Variants in CPT1A observed in about 807,000 individuals in gnomAD.
CPT1A encodes carnitine palmitoyltransferase 1A, also known as carnitine O-palmitoyltransferase 1, liver isoform.
A neutral mutation model predicts 100.8 loss-of-function variants in CPT1A; 64 were observed. That is an observed-to-expected ratio of 0.63 (90% CI 0.52 to 0.78). CPT1A has a LOEUF of 0.78. Among genes scored for constraint, CPT1A ranks in the 30% least tolerant of loss-of-function variants. The probability of loss-of-function intolerance (pLI) is 0.00; values close to 1 mark genes in which losing one functional copy is unlikely to be tolerated. For missense variants in CPT1A, 802 were observed against 1,034.1 expected, an observed-to-expected ratio of 0.78 and a Z score of 3.08; for synonymous variants, 363 against 396.0, an observed-to-expected ratio of 0.92 and a Z score of 0.99.
At chr11:68,804,164 T>A in intron 4 of CPT1A, 63 bp from the exon 5 acceptor site, 1 of 1,284,794 alleles carries the variant, frequency 7.8e-7, no homozygotes, top group Non-Finnish European at 1.1e-6. Flanking sequence ...CCTGTTCTCG[T>A]CTGATCTCGT....
At chr11:68,779,007 T>C (rs948241241) in intron 12 of CPT1A, among the ~76,000 whole-genome samples, 1 of 152,060 alleles carries the variant, frequency 6.6e-6, no homozygotes, top group Admixed American at 6.5e-5. Context: ...GATGGTCTCG[T>C]TCTCCTGACC....
chr11:68,772,212 G>C (rs1341839773), intron 14 of CPT1A, among the ~76,000 whole-genome samples: 1 of 152,168 alleles, frequency 6.6e-6, no homozygotes, highest in East Asian at 1.9e-4. Flanking sequence ...AATTAGCTGG[G>C]CATGGGGGCG....
chr11:68,807,316 C>T, intron 4 of CPT1A, 151 bp downstream of exon 4: 1 of 797,734 alleles, frequency 1.3e-6, no homozygotes, highest in Non-Finnish European at 2.1e-6. Context: ...CATGGTGACT[C>T]AAACCTCTCC....
intron 1 of CPT1A, among the ~76,000 whole-genome samples, chr11:68,825,415 C>A (rs1166392884): frequency 6.6e-6 from 1 of 152,126 alleles, no homozygotes; most frequent in African/African-American, 2.4e-5. Flanking sequence ...TACAACAGGG[C>A]TGGCAGCAGA....
At chr11:68,793,242 G>T in intron 9 of CPT1A, 73 bp downstream of exon 9, 1 of 1,139,312 alleles carries the variant, frequency 8.8e-7, no homozygotes, top group South Asian at 1.4e-5. Flanking sequence ...TGGCCCCTTT[G>T]ACACTTCCTA....
At chr11:68,797,152 A>G (rs955886037) in intron 6 of CPT1A, among the ~76,000 whole-genome samples, 3 of 152,264 alleles carry the variant, frequency 2.0e-5, no homozygotes, top group Admixed American at 6.5e-5. Flanking sequence ...GACAGGCAGA[A>G]AGAAGGTACA....
intron 9 of CPT1A, among the ~76,000 whole-genome samples, chr11:68,786,967 G>A (rs749404491): frequency 5.9e-5 from 9 of 152,290 alleles, no homozygotes; most frequent in Non-Finnish European, 1.2e-4. Context: ...AGACAAGAAT[G>A]CACACCATGA....
chr11:68,780,851 T>A, intron 11 of CPT1A, 106 bp from the exon 12 acceptor site: 1 of 819,428 alleles, frequency 1.2e-6, no homozygotes, highest in Non-Finnish European at 2.1e-6. Context: ...ACTTTGCACC[T>A]GTCCCTCTAA....
intron 14 of CPT1A, among the ~76,000 whole-genome samples, chr11:68,767,539 G>A (rs1479377551): frequency 6.6e-6 from 1 of 152,154 alleles, no homozygotes; most frequent in Admixed American, 6.6e-5. Flanking sequence ...GCAGTAAGCC[G>A]TGATTGTGCT....
intron 1 of CPT1A, among the ~76,000 whole-genome samples, chr11:68,822,400 G>A (rs970222191): frequency 1.3e-5 from 2 of 152,000 alleles, no homozygotes; most frequent in Non-Finnish European, 2.9e-5. Flanking sequence ...AGGCATGGTA[G>A]TGCATTGCTG....
chr11:68,790,649 G>GC (rs1474322303), intron 9 of CPT1A, among the ~76,000 whole-genome samples: 7 of 152,128 alleles, frequency 4.6e-5, no homozygotes, highest in African/African-American at 1.7e-4. Flanking sequence ...CTGGCCTCCA[G>GC]AGCTGTGGCA....
intron 1 of CPT1A, among the ~76,000 whole-genome samples, chr11:68,838,571 T>TAAAAAAAAAAAAAAAAA (rs1177976460): frequency 0.022 from 1,655 of 74,142 alleles, 317 homozygotes; most frequent in Middle Eastern, 0.029. Context: ...CTGCACCTTT[T>TAAAAAAAAAAAAAAAAA]TAAAAAAAAA....
In CPT1A at chr11:68,838,571, T is replaced by TAAAA. The variant is rs1177976460; in HGVS notation, c.-14+3203_-14+3204insTTTT. Among the ~76,000 whole-genome samples the TAAAA allele has an allele frequency of 2.8e-4, 21 of 74,232 alleles. 6 individuals are homozygous for TAAAA. Among genetic ancestry groups the TAAAA allele is most frequent in the African/African-American group, 7.4e-4 (8 of 10,742 alleles). 48.7% of individuals were successfully genotyped at this position (74,232 alleles called of 152,430 possible). A position where few individuals can be genotyped will look rare whatever the true frequency, so the allele number is the denominator to read the frequency against. On this transcript the variant is annotated intron_variant, in intron 1 of 18. Coordinates refer to ENST00000265641, the MANE Select transcript of CPT1A (RefSeq NM_001876.4). ...GACTCTACTCTGTATCTGCACCTTT[T>TAAAA]TAAAAAAAAAAAAAAAAAAACAGAG...
At chr11:68,790,548 C>T (rs1221669116) in intron 9 of CPT1A, among the ~76,000 whole-genome samples, 2 of 152,184 alleles carry the variant, frequency 1.3e-5, no homozygotes, top group African/African-American at 2.4e-5. Flanking sequence ...CAAGGAGCAC[C>T]TGGACCCCCC....
chr11:68,802,919 A>T (rs1855943931), intron 5 of CPT1A, among the ~76,000 whole-genome samples: 1 of 150,350 alleles, frequency 6.7e-6, no homozygotes, highest in Non-Finnish European at 1.5e-5. Context: ...AAAAAAAAAA[A>T]AGAAAATGAA....
intron 1 of CPT1A, among the ~76,000 whole-genome samples, chr11:68,829,063 C>T (rs1345774350): frequency 1.3e-5 from 2 of 152,176 alleles, no homozygotes; most frequent in Admixed American, 1.3e-4. Context: ...AATCTCACCA[C>T]CTGTCCACGT....
intron 1 of CPT1A, among the ~76,000 whole-genome samples, chr11:68,819,509 G>A (rs1010504349): frequency 3.3e-5 from 5 of 152,132 alleles, no homozygotes; most frequent in African/African-American, 9.7e-5. Context: ...ACCTCTGCAC[G>A]ATTGATAAGA....
intron 2 of CPT1A, among the ~76,000 whole-genome samples, chr11:68,813,822 C>G (rs1238517747): frequency 6.6e-6 from 1 of 152,006 alleles, no homozygotes; most frequent in African/African-American, 2.4e-5. Context: ...AAGAGCAGCT[C>G]TCGGCGAGCC....
rs368042078 is a variant in CPT1A at position 68,794,867 on chromosome 11, G to A, written c.816C>T (p.Ala272=). The change falls in exon 8 of 19, where the codon GCC becomes GCT. Residue 272 remains alanine (A), a synonymous_variant. Coordinates refer to ENST00000265641, the MANE Select transcript of CPT1A (RefSeq NM_001876.4). ...ILPTHIQAAR[A]GNAIHAILLY... is the part of the protein sequence containing the mutation. ...GCAGGATGGCATGGATGGCGTTGCCGGCTCTTGCTGCCTGAATGTGAGTTG... is the reference window on the plus strand; with the variant it reads ...GCAGGATGGCATGGATGGCGTTGCCAGCTCTTGCTGCCTGAATGTGAGTTG... 1.7e-5 allele frequency: 28 copies of A among 1,614,076 alleles called. No individual in the cohort carries two copies. The highest frequency in any genetic ancestry group is 2.7e-5 in the African/African-American group (2 of 74,924).
Sources: gnomAD v4.1 joint callset for allele counts (sites outside exome capture counted in the v4.1 genomes callset) on GRCh38, gnomAD v4.1.1 for gene constraint, MANE v1.5 for transcripts, NCBI Gene and HGNC (gene_info 2026-07-23, HGNC 2026-07-21) for gene names.